Variants in NCOR1 observed in about 807,000 individuals in gnomAD.
NCOR1 encodes the protein protein phosphatase 1, regulatory subunit 109.
In NCOR1, 63 loss-of-function variants were observed where a neutral mutation model predicts 288.1. That is an observed-to-expected ratio of 0.22 (90% CI 0.18 to 0.27). The LOEUF (loss-of-function observed/expected upper bound fraction) is 0.27. NCOR1 is among the 10% of genes least tolerant of loss of function. NCOR1 has a pLI of 1.00. For missense variants in NCOR1, 2,397 were observed against 3,019.2 expected, an observed-to-expected ratio of 0.79 and a Z score of 4.83; for synonymous variants, 1,007 against 1,065.9, an observed-to-expected ratio of 0.94 and a Z score of 1.08.
chr17:16,185,011 A>AC (rs1199420077), intron 3 of NCOR1, among the ~76,000 whole-genome samples: 1 of 148,358 alleles, frequency 6.7e-6, no homozygotes, highest in Non-Finnish European at 1.5e-5. Context: ...TCTTAAACAA[A>AC]AAAAAAAAAA....
intron 3 of NCOR1, among the ~76,000 whole-genome samples, chr17:16,180,858 T>C (rs1282579198): frequency 1.3e-5 from 2 of 151,948 alleles, no homozygotes; most frequent in Non-Finnish European, 2.9e-5. Context: ...GACAGATGAA[T>C]GGATTAAGAA....
intron 3 of NCOR1, 29 bp from the exon 4 acceptor site, chr17:16,172,024 G>A: frequency 6.6e-7 from 1 of 1,504,012 alleles, no homozygotes; most frequent in Non-Finnish European, 8.9e-7. Context: ...ATAAACACTT[G>A]AAAATTTGTA....
intron 19 of NCOR1, among the ~76,000 whole-genome samples, chr17:16,102,352 G>C (rs967354899): frequency 6.6e-6 from 1 of 151,826 alleles, no homozygotes; most frequent in Non-Finnish European, 1.5e-5. Flanking sequence ...GTGCGATCTC[G>C]GCTCACTGCA....
At chr17:16,070,117 T>C in intron 31 of NCOR1, 48 bp downstream of exon 31, 1 of 1,522,486 alleles carries the variant, frequency 6.6e-7, no homozygotes, top group African/African-American at 1.4e-5. Flanking sequence ...TTTTTTTTTT[T>C]TTTAAATGCA....
rs114261017 is a variant in NCOR1 at position 16,112,497 on chromosome 17, T to C, written c.2056-3585A>G. On this transcript the variant is annotated intron_variant, in intron 18 of 45. Transcript: ENST00000268712. ...AAAAGTATTAAAGGCCGCAGAGAAC[T>C]TTTCTTTTTTTTCTTTTGAGACGGA... 2.8e-3 allele frequency among the ~76,000 whole-genome samples: 429 copies of C among 152,322 alleles called. 2 individuals carry two copies. The highest frequency in any genetic ancestry group is 9.8e-3 in the African/African-American group (407 of 41,566).
Position 16,071,563 on chromosome 17 carries a change from G to C in NCOR1, c.3998C>G (p.Thr1333Ser). 1.9e-6 allele frequency: 3 copies of C among 1,614,020 alleles called. No homozygotes were observed. Among genetic ancestry groups the C allele is most frequent in the Non-Finnish European group, 2.5e-6 (3 of 1,180,004 alleles). ...GATGCCATCATATGGTTTTCCTTTG[G>C]TAATGGCACCTTCAAATGCTCGTAT... ...PPIRAFEGAITKGKPYDGITT... is the reference protein window; with the variant it reads ...PPIRAFEGAISKGKPYDGITT... Residue 1333 changes from threonine to serine, a missense_variant, in exon 30 of 46, where the codon ACC (threonine) becomes AGC (serine). Thr to Ser is a moderately conservative substitution (Grantham distance 58). This residue lies in a region of NCOR1 where 1,872 missense variants were observed against 2,187.8 expected (regional missense o/e 0.86). Transcript: ENST00000268712.
In NCOR1 at chr17:16,117,514, GAA is replaced by G. The variant is rs34706253; in HGVS notation, c.2055+372_2055+373del. Among the ~76,000 whole-genome samples, 47 of 103,744 alleles carry G rather than the reference GAA, an allele frequency of 4.5e-4. 1 individual carries two copies. The highest frequency in any genetic ancestry group is 2.1e-3 in the South Asian group (6 of 2,910). 68.1% of individuals were successfully genotyped at this position (103,744 alleles called of 152,430 possible). ...TCTTAAAACCAATCTCTGGAGCTCA[GAA>G]AAAAAAAAAAAAAAAAAACATCAAG... is the stretch of plus-strand genomic sequence containing the variant. On this transcript the variant is annotated intron_variant, in intron 18 of 45. Transcript: ENST00000268712.
chr17:16,121,601 G>A (rs1276967478), intron 15 of NCOR1, among the ~76,000 whole-genome samples: 1 of 152,138 alleles, frequency 6.6e-6, no homozygotes, highest in Non-Finnish European at 1.5e-5. Flanking sequence ...AGAGACAACA[G>A]CCTACACCAA....
chr17:16,193,766 G>GT (rs1600323498), intron 2 of NCOR1, among the ~76,000 whole-genome samples: 2 of 152,218 alleles, frequency 1.3e-5, no homozygotes, highest in Admixed American at 1.3e-4. Context: ...CAGGAACAAC[G>GT]TAAGAATGTC....
intron 14 of NCOR1, among the ~76,000 whole-genome samples, chr17:16,128,147 C>G (rs1216322728): frequency 6.6e-6 from 1 of 152,184 alleles, no homozygotes; most frequent in African/African-American, 2.4e-5. Flanking sequence ...ACACATCTTT[C>G]CAGCACAGCA....
At chr17:16,106,854 C>CATATATATATATATATATAT (rs1162344281) in intron 19 of NCOR1, among the ~76,000 whole-genome samples, 7 of 46,150 alleles carry the variant, frequency 1.5e-4, no homozygotes, top group Admixed American at 3.8e-4. Context: ...CTTGATCAGA[C>CATATATATATATATATATAT]ATATATATAT....
At chr17:16,070,586 G>C in intron 30 of NCOR1, 61 bp from the exon 31 acceptor site, 1 of 1,568,438 alleles carries the variant, frequency 6.4e-7, no homozygotes, top group East Asian at 2.2e-5. Flanking sequence ...TTCTATCTCA[G>C]GTCTATGTCT....
chr17:16,213,546 G>GATAAA (rs1286103953), intron 1 of NCOR1, among the ~76,000 whole-genome samples: 1 of 147,708 alleles, frequency 6.8e-6, no homozygotes, highest in Non-Finnish European at 1.5e-5. Context: ...GCTCTCAAGA[G>GATAAA]ATAAAATAGG....
intron 7 of NCOR1, 44 bp downstream of exon 7, chr17:16,153,295 A>C (rs1476015379): frequency 7.0e-7 from 1 of 1,436,474 alleles, no homozygotes; most frequent in East Asian, 2.3e-5. Flanking sequence ...ACTACCACCA[A>C]AAATTAAAAA....
At chr17:16,140,872 T>C (rs961640205) in intron 11 of NCOR1, among the ~76,000 whole-genome samples, 3 of 151,764 alleles carry the variant, frequency 2.0e-5, no homozygotes, top group Admixed American at 2.0e-4. Flanking sequence ...GTACCAGTAG[T>C]CCCAGCTATT....
intron 5 of NCOR1, among the ~76,000 whole-genome samples, chr17:16,160,684 C>A (rs1400736654): frequency 6.6e-6 from 1 of 152,162 alleles, no homozygotes; most frequent in Non-Finnish European, 1.5e-5. Context: ...CCCAGCTACT[C>A]AGGAGGCCGA....
intron 2 of NCOR1, among the ~76,000 whole-genome samples, chr17:16,192,760 A>G (rs573709237): frequency 7.2e-5 from 11 of 152,380 alleles, no homozygotes; most frequent in Non-Finnish European, 1.6e-4. Context: ...TACATACAAC[A>G]AACATATAGA....
intron 26 of NCOR1, among the ~76,000 whole-genome samples, chr17:16,079,376 C>G (rs1346101697): frequency 6.6e-6 from 1 of 152,146 alleles, no homozygotes; most frequent in Non-Finnish European, 1.5e-5. Context: ...TTTCCCAAAA[C>G]AGAATTTTCC....
intron 14 of NCOR1, among the ~76,000 whole-genome samples, chr17:16,129,208 C>T (rs2075229708): frequency 6.6e-6 from 1 of 152,152 alleles, no homozygotes; most frequent in Non-Finnish European, 1.5e-5. Context: ...ATTGCCTCCT[C>T]ATTAGCAGTG....
Sources: allele counts gnomAD v4.1 joint callset (sites outside exome capture counted in the v4.1 genomes callset), GRCh38; gene constraint gnomAD v4.1.1; regional missense constraint gnomAD v4.1.1; transcripts MANE v1.5; gene names NCBI Gene and HGNC (gene_info 2026-07-23, HGNC 2026-07-21).